TSHZ2: variants seen among roughly 807,000 people sequenced by gnomAD.
TSHZ2 encodes teashirt homolog 2.
A neutral mutation model predicts 74.4 loss-of-function variants in TSHZ2; 21 were observed. The observed-to-expected ratio is 0.28, with a 90% CI of 0.20 to 0.41. The LOEUF (loss-of-function observed/expected upper bound fraction) is 0.41. Among genes scored for constraint, TSHZ2 ranks in the 10% least tolerant of loss-of-function variants. The pLI, the probability that TSHZ2 is intolerant of heterozygous loss-of-function variation, is 1.00. For missense variants in TSHZ2, 1,244 were observed against 1,293.5 expected (o/e 0.96, Z 0.59); for synonymous variants, 540 against 515.3 (o/e 1.05, Z -0.65).
At chr20:52,994,302 A>G (rs1193127361) in intron 1 of TSHZ2, among the ~76,000 whole-genome samples, 1 of 152,168 alleles carries the variant, frequency 6.6e-6, no homozygotes, top group African/African-American at 2.4e-5. Context: ...GAATGGGTGA[A>G]TTAATGGAAA....
chr20:53,037,881 G>A (rs1983878590), intron 1 of TSHZ2, among the ~76,000 whole-genome samples: 1 of 152,016 alleles, frequency 6.6e-6, no homozygotes, highest in Admixed American at 6.5e-5. Flanking sequence ...AGATGCACAG[G>A]GGCCTGTGTG....
intron 2 of TSHZ2, among the ~76,000 whole-genome samples, chr20:53,397,132 A>G (rs1982479712): frequency 6.6e-6 from 1 of 152,200 alleles, no homozygotes; most frequent in South Asian, 2.1e-4. Context: ...AATGGGATCT[A>G]ATTAAACTAA....
intron 2 of TSHZ2, among the ~76,000 whole-genome samples, chr20:53,259,114 T>G (rs1990546995): frequency 6.6e-6 from 1 of 152,212 alleles, no homozygotes; most frequent in African/African-American, 2.4e-5. Flanking sequence ...CTTAGAATGA[T>G]GCATGTAAGG....
intron 2 of TSHZ2, among the ~76,000 whole-genome samples, chr20:53,383,030 G>A (rs1981913359): frequency 6.6e-6 from 1 of 152,214 alleles, no homozygotes; most frequent in South Asian, 2.1e-4. Flanking sequence ...GGAGGCCAGG[G>A]CAGGTGGATC....
chr20:53,266,485 A>G (rs1990718995), intron 2 of TSHZ2, among the ~76,000 whole-genome samples: 1 of 152,190 alleles, frequency 6.6e-6, no homozygotes, highest in African/African-American at 2.4e-5. Flanking sequence ...AAGGCAACAC[A>G]GTTTGTTCTC....
intron 1 of TSHZ2, among the ~76,000 whole-genome samples, chr20:53,047,369 G>A (rs975224539): frequency 4.6e-5 from 7 of 152,150 alleles, no homozygotes; most frequent in East Asian, 1.9e-4. Flanking sequence ...CTCTGCCACC[G>A]TAACACAAGG....
At chr20:53,429,905 A>G (rs947435945) in intron 2 of TSHZ2, among the ~76,000 whole-genome samples, 1 of 152,152 alleles carries the variant, frequency 6.6e-6, no homozygotes, top group African/African-American at 2.4e-5. Flanking sequence ...TGGGGTGGGC[A>G]GTCCCACACA....
intron 1 of TSHZ2, among the ~76,000 whole-genome samples, chr20:53,095,052 CA>C (rs1202433003): frequency 6.6e-6 from 1 of 152,150 alleles, no homozygotes; most frequent in African/African-American, 2.4e-5. Context: ...GCAGAAAACC[CA>C]ACGCAAAATG....
intron 2 of TSHZ2, among the ~76,000 whole-genome samples, chr20:53,371,173 G>A (rs1981456081): frequency 6.6e-6 from 1 of 152,172 alleles, no homozygotes; most frequent in African/African-American, 2.4e-5. Flanking sequence ...TTCCAAATAA[G>A]GTCCCATTCA....
chr20:53,293,232 G>C (rs1223684688), intron 2 of TSHZ2, among the ~76,000 whole-genome samples: 1 of 152,184 alleles, frequency 6.6e-6, no homozygotes, highest in Non-Finnish European at 1.5e-5. Flanking sequence ...GGAGGCCAAG[G>C]TAGGAGGATC....
At chr20:53,442,196 G>A (rs1984360673) in intron 2 of TSHZ2, among the ~76,000 whole-genome samples, 1 of 152,144 alleles carries the variant, frequency 6.6e-6, no homozygotes, top group Admixed American at 6.6e-5. Flanking sequence ...GTACGTGTGT[G>A]TAAAGGAGAC....
intron 1 of TSHZ2, among the ~76,000 whole-genome samples, chr20:53,164,625 T>G (rs138781238): frequency 6.6e-6 from 1 of 152,326 alleles, no homozygotes; most frequent in African/African-American, 2.4e-5. Context: ...TAGTTATTTT[T>G]TGAATTTTAT....
chr20:53,417,137 C>G (rs1983282671), intron 2 of TSHZ2, among the ~76,000 whole-genome samples: 1 of 151,838 alleles, frequency 6.6e-6, no homozygotes, highest in African/African-American at 2.4e-5. Flanking sequence ...AAGACTCCTT[C>G]CAGTAGAAAA....
intron 1 of TSHZ2, among the ~76,000 whole-genome samples, chr20:53,213,570 AG>A: frequency 6.6e-6 from 1 of 152,180 alleles, no homozygotes; most frequent in South Asian, 2.1e-4. Flanking sequence ...CACACACGAG[AG>A]ACAGAGAGAG....
rs192349679 is a variant in TSHZ2, at chr20:53,276,488, A to C, written c.*8+19917A>C. 2.7e-3 allele frequency among the ~76,000 whole-genome samples: 408 copies of C among 152,302 alleles called. 2 individuals carry two copies. The highest frequency in any genetic ancestry group is 4.5e-3 in the Non-Finnish European group (303 of 68,018). Reference sequence around the variant, plus strand: ...CCATGGTCAGGCTGCCTGGGTTTAAATTTAGGGTCCACTACTCACTAGCAG... The same window carrying C: ...CCATGGTCAGGCTGCCTGGGTTTAACTTTAGGGTCCACTACTCACTAGCAG... On this transcript the variant is annotated intron_variant, in intron 2 of 2. Transcript: ENST00000371497.
At chr20:53,414,349 G>A (rs1983161101) in intron 2 of TSHZ2, among the ~76,000 whole-genome samples, 1 of 151,522 alleles carries the variant, frequency 6.6e-6, no homozygotes, top group African/African-American at 2.4e-5. Context: ...GCTCAACATA[G>A]TGGCTCACAC....
intron 1 of TSHZ2, among the ~76,000 whole-genome samples, chr20:53,157,804 T>C (rs1987831652): frequency 6.6e-6 from 1 of 152,192 alleles, no homozygotes; most frequent in Admixed American, 6.5e-5. Flanking sequence ...TATTTATTTA[T>C]TCAACTCACA....
chr20:53,278,076 C>T (rs76117908), intron 2 of TSHZ2, among the ~76,000 whole-genome samples: 2 of 152,154 alleles, frequency 1.3e-5, no homozygotes, highest in South Asian at 2.1e-4. Context: ...TACCATTTCA[C>T]GAGTGTTTAT....
intron 1 of TSHZ2, among the ~76,000 whole-genome samples, chr20:53,081,830 T>C (rs1338552187): frequency 6.6e-6 from 1 of 152,170 alleles, no homozygotes; most frequent in African/African-American, 2.4e-5. Flanking sequence ...CTGTGGTCCT[T>C]TTTAGAAACA....
Sources: allele counts gnomAD v4.1 joint callset (sites outside exome capture counted in the v4.1 genomes callset), GRCh38; gene constraint gnomAD v4.1.1; transcripts MANE v1.5; gene names NCBI Gene and HGNC (gene_info 2026-07-23, HGNC 2026-07-21).